Variants in PRKD1 observed in about 807,000 individuals in gnomAD.
PRKD1 encodes serine/threonine-protein kinase D1.
A neutral mutation model predicts 95.9 loss-of-function variants in PRKD1; 63 were observed. The observed-to-expected ratio is 0.66, with a 90% CI of 0.54 to 0.81. PRKD1 has a LOEUF of 0.81. Among genes scored for constraint, PRKD1 ranks in the 30% least tolerant of loss-of-function variants. The probability of loss-of-function intolerance (pLI) is 0.00; values close to 1 mark genes in which losing one functional copy is unlikely to be tolerated. For synonymous variants in PRKD1, 425 were observed against 423.1 expected, an observed-to-expected ratio of 1.00 and a Z score of -0.05; for missense variants, 1,048 against 1,165.3, an observed-to-expected ratio of 0.90 and a Z score of 1.47.
intron 2 of PRKD1, among the ~76,000 whole-genome samples, chr14:29,715,716 C>G (rs1885573570): frequency 6.6e-6 from 1 of 152,128 alleles, no homozygotes; most frequent in Non-Finnish European, 1.5e-5. Context: ...AAAATAATCC[C>G]TCTTTGAAAG....
intron 1 of PRKD1, among the ~76,000 whole-genome samples, chr14:29,793,652 G>GT (rs572577182): frequency 2.3e-4 from 35 of 149,150 alleles, no homozygotes; most frequent in Admixed American, 4.7e-4. Context: ...ATGAGCGCAA[G>GT]TTTTTTTTTT....
intron 1 of PRKD1, among the ~76,000 whole-genome samples, chr14:29,885,619 T>A: frequency 6.6e-6 from 1 of 151,984 alleles, no homozygotes. Context: ...GAACAGCATT[T>A]GCCAGGGTTA....
chr14:29,888,552 T>G (rs538980111), intron 1 of PRKD1, among the ~76,000 whole-genome samples: 1 of 152,318 alleles, frequency 6.6e-6, no homozygotes, highest in African/African-American at 2.4e-5. Context: ...TAGTCAAACC[T>G]ACATGATATA....
chr14:29,880,547 C>A (rs1893469269), intron 1 of PRKD1, among the ~76,000 whole-genome samples: 1 of 152,164 alleles, frequency 6.6e-6, no homozygotes, highest in Non-Finnish European at 1.5e-5. Flanking sequence ...GGGGTTGAAG[C>A]CCCCACACAG....
At chr14:29,590,302 T>A (rs1893083128) in intron 16 of PRKD1, among the ~76,000 whole-genome samples, 2 of 152,212 alleles carry the variant, frequency 1.3e-5, no homozygotes, top group African/African-American at 4.8e-5. Context: ...TCTGGATATG[T>A]TAAATTATAG....
intron 2 of PRKD1, among the ~76,000 whole-genome samples, chr14:29,709,039 A>T (rs536356874): frequency 5.6e-4 from 86 of 152,254 alleles, no homozygotes; most frequent in African/African-American, 2.0e-3. Flanking sequence ...GGAAATTGTT[A>T]TTAAGCAAAT....
At chr14:29,590,132 C>T (rs1259524506) in intron 16 of PRKD1, among the ~76,000 whole-genome samples, 1 of 152,160 alleles carries the variant, frequency 6.6e-6, no homozygotes, top group Non-Finnish European at 1.5e-5. Flanking sequence ...TTACAAAGTA[C>T]TGGTCCATAT....
At chr14:29,610,545 CA>C (rs936033875) in intron 13 of PRKD1, among the ~76,000 whole-genome samples, 4 of 152,140 alleles carry the variant, frequency 2.6e-5, no homozygotes, top group African/African-American at 9.7e-5. Context: ...TGTGGAGTAA[CA>C]AGAACTTTAA....
chr14:29,922,245 G>A (rs1372217188), intron 1 of PRKD1, among the ~76,000 whole-genome samples: 1 of 149,174 alleles, frequency 6.7e-6, no homozygotes, highest in Non-Finnish European at 1.5e-5. Context: ...AGTTTGCAGT[G>A]AGCCGAGATT....
intron 1 of PRKD1, among the ~76,000 whole-genome samples, chr14:29,740,928 A>G (rs1284853095): frequency 6.6e-6 from 1 of 152,260 alleles, no homozygotes; most frequent in Non-Finnish European, 1.5e-5. Flanking sequence ...GCAGTCATTA[A>G]AAAGAATGAG....
chr14:29,912,964 A>G (rs948719709), intron 1 of PRKD1, among the ~76,000 whole-genome samples: 3 of 152,252 alleles, frequency 2.0e-5, no homozygotes, highest in Admixed American at 6.5e-5. Flanking sequence ...AATCAAAGTT[A>G]TTTGCTGTTT....
At chr14:29,604,223 A>T (rs1245481822) in intron 13 of PRKD1, among the ~76,000 whole-genome samples, 1 of 152,158 alleles carries the variant, frequency 6.6e-6, no homozygotes, top group Non-Finnish European at 1.5e-5. Context: ...ATATTCTTTA[A>T]GTCTAACATT....
chr14:29,800,389 TACTTCATTAA>T (rs563315163), intron 1 of PRKD1, among the ~76,000 whole-genome samples: 21 of 152,364 alleles, frequency 1.4e-4, no homozygotes, highest in African/African-American at 5.0e-4. Context: ...TGTCCACTTC[TACTTCATTAA>T]AACCTGTGTT....
chr14:29,629,368 G>A (rs914552332), intron 10 of PRKD1, among the ~76,000 whole-genome samples: 5 of 152,106 alleles, frequency 3.3e-5, no homozygotes, highest in Admixed American at 3.3e-4. Flanking sequence ...TCACAGCTTT[G>A]GTACAAGCTT....
chr14:29,594,909 C>A (rs1893247412), intron 16 of PRKD1, among the ~76,000 whole-genome samples: 1 of 152,042 alleles, frequency 6.6e-6, no homozygotes, highest in African/African-American at 2.4e-5. Context: ...TTTGTGACAC[C>A]TTAACTGATA....
chr14:29,825,963 A>G (rs1338493709), intron 1 of PRKD1, among the ~76,000 whole-genome samples: 1 of 151,852 alleles, frequency 6.6e-6, no homozygotes, highest in African/African-American at 2.4e-5. Flanking sequence ...AGGTCTTCAT[A>G]GACAGGGGAT....
At chr14:29,884,343 A>G (rs1429201959) in intron 1 of PRKD1, among the ~76,000 whole-genome samples, 1 of 152,216 alleles carries the variant, frequency 6.6e-6, no homozygotes, top group Non-Finnish European at 1.5e-5. Context: ...ACTTTACCAA[A>G]CATACAAATG....
chr14:29,609,506 G>GCACACACACA (rs150570301), intron 13 of PRKD1, among the ~76,000 whole-genome samples: 2,129 of 127,350 alleles, frequency 0.017, 26 homozygotes, highest in African/African-American at 0.025. Flanking sequence ...GTGTGTGCGT[G>GCACACACACA]CACACACACA....
chr14:29,731,781 T>C (rs912613575), intron 1 of PRKD1, among the ~76,000 whole-genome samples: 2 of 152,166 alleles, frequency 1.3e-5, no homozygotes, highest in African/African-American at 4.8e-5. Context: ...TATGTTGTCA[T>C]TCTTTAAATC....
Sources: allele counts gnomAD v4.1 joint callset (sites outside exome capture counted in the v4.1 genomes callset), GRCh38; gene constraint gnomAD v4.1.1; transcripts MANE v1.5; gene names NCBI Gene and HGNC (gene_info 2026-07-23, HGNC 2026-07-21).